CHST11: variants seen among roughly 807,000 people sequenced by gnomAD.
The protein encoded by CHST11 is C4S-1.
CHST11 carries 9 observed loss-of-function variants against 30.4 expected under a neutral mutation model. The ratio of observed to expected loss-of-function variants is 0.30; its 90% CI spans 0.18 to 0.52. The LOEUF is 0.52. CHST11 is among the 20% of genes least tolerant of loss of function. The pLI, the probability that CHST11 is intolerant of heterozygous loss-of-function variation, is 0.97. For synonymous variants in CHST11, 152 were observed against 187.8 expected, an observed-to-expected ratio of 0.81 and a Z score of 1.56; for missense variants, 348 against 460.6, an observed-to-expected ratio of 0.76 and a Z score of 2.24.
intron 2 of CHST11, among the ~76,000 whole-genome samples, chr12:104,753,208 A>T (rs1172647459): frequency 6.6e-6 from 1 of 152,196 alleles, no homozygotes; most frequent in East Asian, 1.9e-4. Flanking sequence ...ATGTTGGGAG[A>T]ATCTCCTCAA....
At chr12:104,546,019 T>G (rs367547816) in intron 1 of CHST11, among the ~76,000 whole-genome samples, 5 of 152,320 alleles carry the variant, frequency 3.3e-5, no homozygotes, top group Admixed American at 6.5e-5. Context: ...CCTCATTACC[T>G]AATTACCTCC....
intron 2 of CHST11, among the ~76,000 whole-genome samples, chr12:104,667,907 A>G (rs921960330): frequency 6.6e-6 from 1 of 152,210 alleles, no homozygotes; most frequent in Non-Finnish European, 1.5e-5. Flanking sequence ...CCATGAGTTC[A>G]TGGTTTTTAA....
At chr12:104,554,839 G>T (rs1341494113) in intron 1 of CHST11, among the ~76,000 whole-genome samples, 3 of 152,202 alleles carry the variant, frequency 2.0e-5, no homozygotes, top group African/African-American at 7.2e-5. Flanking sequence ...ATGGGCTTGA[G>T]CCAGGACCAA....
intron 1 of CHST11, among the ~76,000 whole-genome samples, chr12:104,502,800 G>C (rs4964811): frequency 0.59 from 89,751 of 152,054 alleles, 26,539 homozygotes; most frequent in Admixed American, 0.67. Context: ...CAAGCACTAC[G>C]GAGGCCCAGA....
chr12:104,741,289 G>C (rs926603578), intron 2 of CHST11, among the ~76,000 whole-genome samples: 1 of 152,210 alleles, frequency 6.6e-6, no homozygotes, highest in Non-Finnish European at 1.5e-5. Flanking sequence ...CTTCCAGGCA[G>C]GGGTAGGAGG....
At chr12:104,674,928 T>C (rs2039726810) in intron 2 of CHST11, among the ~76,000 whole-genome samples, 1 of 152,212 alleles carries the variant, frequency 6.6e-6, no homozygotes, top group African/African-American at 2.4e-5. Flanking sequence ...GCATTAAATG[T>C]GCTAATGTAT....
intron 1 of CHST11, among the ~76,000 whole-genome samples, chr12:104,505,452 T>A (rs2037896055): frequency 6.6e-6 from 1 of 152,114 alleles, no homozygotes; most frequent in Non-Finnish European, 1.5e-5. Flanking sequence ...ATTTAATAGG[T>A]CTGGGGTGTG....
chr12:104,716,160 C>G (rs1206930667), intron 2 of CHST11, among the ~76,000 whole-genome samples: 2 of 152,234 alleles, frequency 1.3e-5, no homozygotes, highest in Admixed American at 6.5e-5. Context: ...ATATCAGCCC[C>G]AGAGCCAATG....
At chr12:104,610,511 G>T (rs192494168) in intron 2 of CHST11, among the ~76,000 whole-genome samples, 2 of 152,276 alleles carry the variant, frequency 1.3e-5, no homozygotes, top group Admixed American at 6.5e-5. Context: ...TTTCCACATG[G>T]TAACACAGCT....
intron 1 of CHST11, among the ~76,000 whole-genome samples, chr12:104,529,885 C>T (rs1330569872): frequency 2.0e-5 from 3 of 152,204 alleles, no homozygotes; most frequent in Admixed American, 6.5e-5. Context: ...AGGCTGGGTG[C>T]GGTGGCTCAT....
intron 1 of CHST11, among the ~76,000 whole-genome samples, chr12:104,582,569 G>A (rs1411100647): frequency 6.6e-6 from 1 of 152,050 alleles, no homozygotes; most frequent in Non-Finnish European, 1.5e-5. Context: ...TGCATTTCAC[G>A]TCCCCTCTGC....
At chr12:104,472,715 C>T (rs1278725048) in intron 1 of CHST11, among the ~76,000 whole-genome samples, 2 of 152,032 alleles carry the variant, frequency 1.3e-5, no homozygotes, top group African/African-American at 2.4e-5. Context: ...GGGCCAGATG[C>T]GATTGCTGTT....
At chr12:104,720,515 G>T (rs983868531) in intron 2 of CHST11, among the ~76,000 whole-genome samples, 1 of 152,070 alleles carries the variant, frequency 6.6e-6, no homozygotes, top group Non-Finnish European at 1.5e-5. Flanking sequence ...CATGTCATGC[G>T]CTGGGAGGGT....
chr12:104,481,469 G>A (rs772175533), intron 1 of CHST11, among the ~76,000 whole-genome samples: 3 of 152,062 alleles, frequency 2.0e-5, no homozygotes, highest in Non-Finnish European at 2.9e-5. Context: ...TTAGAATTTG[G>A]CCCAGCTTTT....
chr12:104,485,967 A>G lies in CHST11; in HGVS notation c.118+28438A>G, dbSNP rs575844749. The stretch of plus-strand genomic sequence containing the variant: ...CTGCTTGGTTAAAAGCTGGAGCATA[A>G]GTCATCGCACCATTCTGTGTGCGTG... On this transcript the variant is annotated intron_variant, in intron 1 of 2. Transcript: ENST00000303694. 2.8e-4 allele frequency among the ~76,000 whole-genome samples: 42 copies of G among 152,316 alleles called. 1 individual carries two copies. In the South Asian group the frequency reaches 8.7e-3, roughly 32 times the overall value.
chr12:104,657,324 G>A (rs904370142), intron 2 of CHST11, among the ~76,000 whole-genome samples: 1 of 152,230 alleles, frequency 6.6e-6, no homozygotes, highest in African/African-American at 2.4e-5. Flanking sequence ...GTTATTGTCA[G>A]CGATTTGTGT....
intron 2 of CHST11, among the ~76,000 whole-genome samples, chr12:104,666,563 T>C (rs974152548): frequency 2.0e-5 from 3 of 152,174 alleles, no homozygotes; most frequent in Non-Finnish European, 4.4e-5. Context: ...GAGGGTGCGA[T>C]GATGGAAGAA....
chr12:104,572,573 T>C (rs1330592823), intron 1 of CHST11, among the ~76,000 whole-genome samples: 1 of 152,188 alleles, frequency 6.6e-6, no homozygotes, highest in Non-Finnish European at 1.5e-5. Flanking sequence ...CCCTTTATCA[T>C]TTTTTATTGC....
intron 1 of CHST11, among the ~76,000 whole-genome samples, chr12:104,480,130 C>T (rs936110419): frequency 6.6e-6 from 1 of 152,134 alleles, no homozygotes; most frequent in African/African-American, 2.4e-5. Flanking sequence ...GTGCTCTGAG[C>T]CCCTGTTGAA....
Sources: gnomAD v4.1 joint callset for allele counts (sites outside exome capture counted in the v4.1 genomes callset) on GRCh38, gnomAD v4.1.1 for gene constraint, MANE v1.5 for transcripts, NCBI Gene and HGNC (gene_info 2026-07-23, HGNC 2026-07-21) for gene names.